The following NUP58 variants were observed in gnomAD, a reference collection of about 807,000 sequenced individuals.
NUP58 encodes nucleoporin 58.
Under a neutral mutation model 70.1 loss-of-function variants are expected in NUP58, and 17 were observed. The observed-to-expected ratio is 0.24, with a 90% CI of 0.17 to 0.36. The LOEUF (loss-of-function observed/expected upper bound fraction) is 0.36, where lower values mean the gene tolerates loss of function less well. NUP58 is among the 10% of genes least tolerant of loss of function. The pLI, the probability that NUP58 is intolerant of heterozygous loss-of-function variation, is 1.00. For synonymous variants in NUP58, 275 were observed against 257.6 expected (o/e 1.07, Z -0.65); for missense variants, 644 against 701.5 (o/e 0.92, Z 0.93).
chr13:25,331,620 T>C (rs748149015), intron 13 of NUP58, 62 bp downstream of exon 13: 1 of 1,553,826 alleles, frequency 6.4e-7, no homozygotes, highest in Non-Finnish European at 8.7e-7. Flanking sequence ...ATGTGCGTTT[T>C]TATAAGTCTT....
At chr13:25,303,546 T>C (rs577025467) in intron 1 of NUP58, among the ~76,000 whole-genome samples, 5 of 152,306 alleles carry the variant, frequency 3.3e-5, no homozygotes, top group African/African-American at 1.2e-4. Context: ...GCCTTTTCTC[T>C]TTTCAAGTGG....
At chr13:25,327,552 A>G in intron 12 of NUP58, 40 bp downstream of exon 12, 1 of 1,324,128 alleles carries the variant, frequency 7.6e-7, no homozygotes, top group Non-Finnish European at 1.1e-6. Context: ...GGATATGTAG[A>G]CCCAAGTATT....
chr13:25,324,670 C>T (rs979103923), intron 9 of NUP58, among the ~76,000 whole-genome samples: 3 of 151,994 alleles, frequency 2.0e-5, no homozygotes, highest in Non-Finnish European at 4.4e-5. Flanking sequence ...GTATTTTCTG[C>T]GTTTATATTA....
rs2031943919 is a variant in NUP58, at chr13:25,341,162, G to C, written c.*1028G>C. On this transcript the variant is annotated 3_prime_UTR_variant, in exon 16 of 16. Coordinates refer to ENST00000381736, the MANE Select transcript of NUP58 (RefSeq NM_014089.4). ...ATTGCCCCTGATCTTTTCCATTTTT[G>C]TTTCCACCTTAACCTATAGCAGCTC... The C allele has an allele frequency of 6.6e-6, 1 of 152,140 alleles. No individual in the cohort carries two copies. The highest frequency in any genetic ancestry group is 2.4e-5 in the African/African-American group (1 of 41,422). 9.4% of individuals were successfully genotyped at this position (152,140 alleles called of 1,614,324 possible).
At position 25,347,875 on chromosome 13, in the gene NUP58, A is replaced by G. The variant is rs571545409; in HGVS notation, n.322-1687A>G. ...TAACTTAAAAAACAATAATGTGCTG[A>G]GCATTTACTCCTTCTGGTGTCGAGA... On this transcript the variant is annotated intron_variant and non_coding_transcript_variant, in intron 3 of 3. Coordinates refer to the NUP58 transcript ENST00000477876. 2.0e-5 allele frequency among the ~76,000 whole-genome samples: 3 copies of G among 152,216 alleles called. No homozygotes were observed. The East Asian group carries it at 5.8e-4, about 29-fold the overall frequency.
At chr13:25,319,916 A>T (rs993994522) in intron 7 of NUP58, among the ~76,000 whole-genome samples, 3 of 152,172 alleles carry the variant, frequency 2.0e-5, no homozygotes, top group Non-Finnish European at 4.4e-5. Context: ...AATGAAGAAG[A>T]TTAGAGAAAC....
chr13:25,320,054 T>C (rs2031115925), intron 7 of NUP58, among the ~76,000 whole-genome samples: 1 of 152,142 alleles, frequency 6.6e-6, no homozygotes, highest in Non-Finnish European at 1.5e-5. Context: ...ATTTTTTCAT[T>C]CTAATGCATG....
At chr13:25,327,940 C>T (rs1009347086) in intron 12 of NUP58, among the ~76,000 whole-genome samples, 3 of 152,132 alleles carry the variant, frequency 2.0e-5, no homozygotes, top group African/African-American at 7.2e-5. Flanking sequence ...GTGGCTTACA[C>T]CTGTAATCCC....
downstream of NUP58, among the ~76,000 whole-genome samples, chr13:25,347,055 C>A (rs1422742291): frequency 6.6e-6 from 1 of 151,980 alleles, no homozygotes; most frequent in Admixed American, 6.5e-5. Context: ...ACATGAAATT[C>A]ATTTATGTTT....
chr13:25,323,925 T>C (rs960593336), intron 9 of NUP58, among the ~76,000 whole-genome samples: 1 of 151,966 alleles, frequency 6.6e-6, no homozygotes, highest in African/African-American at 2.4e-5. Context: ...GGTACAAGGG[T>C]TTTGTAGGGG....
At chr13:25,320,777 C>T (rs1035399627) in intron 8 of NUP58, 142 bp from the exon 9 acceptor site, 1 of 724,618 alleles carries the variant, frequency 1.4e-6, no homozygotes, top group South Asian at 2.2e-5. Flanking sequence ...TGTATAACTT[C>T]CATTCTGTAA....
At chr13:25,346,613 G>A (rs1186170837), downstream of NUP58, among the ~76,000 whole-genome samples, 1 of 151,740 alleles carries the variant, frequency 6.6e-6, no homozygotes, top group African/African-American at 2.4e-5. Context: ...TCAGCTACTC[G>A]GGAGGCTGAG....
rs1280908365 is a variant in NUP58, at chr13:25,301,636, C to T, written c.-138C>T. ...TGCTCCACCCCCTCAGCCTTGCCTTCGCCGCCGTTGGGGCTGGAAGTTCCC... is the reference window on the plus strand; with the variant it reads ...TGCTCCACCCCCTCAGCCTTGCCTTTGCCGCCGTTGGGGCTGGAAGTTCCC... On this transcript the variant is annotated 5_prime_UTR_variant, in exon 1 of 16. Transcript: ENST00000381736. 11 of 458,982 alleles carry T rather than the reference C, an allele frequency of 2.4e-5. No individual in the cohort carries two copies. Among genetic ancestry groups the T allele is most frequent in the Middle Eastern group, 5.8e-4 (1 of 1,724 alleles). 28.4% of individuals were successfully genotyped at this position (458,982 alleles called of 1,614,324 possible).
At chr13:25,338,302 G>GTAT (rs1261412603) in intron 14 of NUP58, among the ~76,000 whole-genome samples, 3 of 152,124 alleles carry the variant, frequency 2.0e-5, no homozygotes, top group Non-Finnish European at 4.4e-5. Context: ...CCCTAAAGTG[G>GTAT]AAATGGTTAT....
chr13:25,334,321 G>A (rs1203580989), intron 13 of NUP58: 1 of 985,168 alleles, frequency 1.0e-6, no homozygotes. Context: ...ATTGAGTTTT[G>A]CTATTGTGTT....
intron 5 of NUP58, among the ~76,000 whole-genome samples, chr13:25,314,291 GGAAAC>G (rs1421506506): frequency 6.6e-6 from 1 of 151,320 alleles, no homozygotes; most frequent in African/African-American, 2.5e-5. Context: ...AACCAGATAA[GGAAAC>G]AAAGAAGAGC....
chr13:25,323,482 C>G (rs2031272079), intron 9 of NUP58, among the ~76,000 whole-genome samples: 1 of 151,840 alleles, frequency 6.6e-6, no homozygotes, highest in East Asian at 1.9e-4. Flanking sequence ...TAAGATTACT[C>G]TAATGTCTAG....
Position 25,304,477 on chromosome 13 carries a change from AT to A in NUP58, c.107+2599del, listed in dbSNP as rs1304910487. Among the ~76,000 whole-genome samples, 168 of 74,896 alleles carry A rather than the reference AT, an allele frequency of 2.2e-3. 1 individual carries two copies. Among genetic ancestry groups the A allele is most frequent in the Middle Eastern group, 7.6e-3 (1 of 132 alleles). 49.1% of individuals were successfully genotyped at this position (74,896 alleles called of 152,430 possible). On this transcript the variant is annotated intron_variant, in intron 1 of 15. Transcript: ENST00000381736. ...TAATGTCTTCAGTTATGTTGTCAAG[AT>A]TATATATATATATATATATATATAT...
At position 25,312,771 on chromosome 13, in the gene NUP58, A is replaced by G. The variant is rs1015470373; in HGVS notation, c.287-112A>G. 37 of 997,120 alleles carry G rather than the reference A, an allele frequency of 3.7e-5. 1 individual carries two copies. The African/African-American group carries it at 5.1e-4, about 14-fold the overall frequency. The allele number at this position is 997,120 out of a possible 1,614,324, so 61.8% of individuals were successfully genotyped here. A position where few individuals can be genotyped will look rare whatever the true frequency, so the allele number is the denominator to read the frequency against. ...CAGATACACCCTTCTTCTATTGGCA[A>G]AAGGTAGTATCATGAACTTTTAAGG... On this transcript the variant is annotated intron_variant, in intron 3 of 15. Transcript: ENST00000381736.
Sources: allele counts gnomAD v4.1 joint callset (sites outside exome capture counted in the v4.1 genomes callset), GRCh38; gene constraint gnomAD v4.1.1; transcripts MANE v1.5; gene names NCBI Gene and HGNC (gene_info 2026-07-23, HGNC 2026-07-21).